OTC: variants seen among roughly 807,000 people sequenced by gnomAD.
OTC encodes the protein ornithine transcarbamylase, mitochondrial.
In OTC, 3 loss-of-function variants were observed where a neutral mutation model predicts 30.3. The ratio of observed to expected loss-of-function variants is 0.10; its 90% CI spans 0.05 to 0.26. The LOEUF is 0.26. Among genes scored for constraint, OTC ranks in the 10% least tolerant of loss-of-function variants. OTC has a pLI of 1.00. For missense variants in OTC, 194 were observed against 260.3 expected (o/e 0.75, Z 1.75); for synonymous variants, 111 against 99.7 (o/e 1.11, Z -0.67).
intron 8 of OTC, among the ~76,000 whole-genome samples, chrX:38,411,523 G>A (rs901761591): frequency 9.1e-6 from 1 of 110,370 alleles, no homozygotes; most frequent in Non-Finnish European, 1.9e-5. Flanking sequence ...AAAATTCACT[G>A]GGCATGGTGG....
At chrX:38,415,951 G>A (rs1197509557) in intron 9 of OTC, among the ~76,000 whole-genome samples, 2 of 112,370 alleles carry the variant, frequency 1.8e-5, no homozygotes, top group Non-Finnish European at 3.8e-5. Flanking sequence ...ACATGTGGCT[G>A]GTGGCTACAC....
In OTC at chrX:38,403,674, T is replaced by C; in HGVS notation, c.597T>C (p.Asn199=). The C allele has an allele frequency of 4.1e-6, 5 of 1,207,486 alleles. No individual in the cohort carries two copies. The highest frequency in any genetic ancestry group is 5.6e-6 in the Non-Finnish European group (5 of 891,525). The change falls in exon 6 of 10, where the codon AAT becomes AAC. Residue 199 remains asparagine, a synonymous_variant. Coordinates refer to ENST00000039007, the MANE Select transcript of OTC (RefSeq NM_000531.6). ...LTLSWIGDGN[N]ILHSIMMSAA... ...TCAGCTGGATCGGGGATGGGAACAA[T>C]ATCCTGCACTCCATCATGATGAGCG...
chrX:38,354,203 C>T (rs890870506), intron 1 of OTC, among the ~76,000 whole-genome samples: 35 of 111,971 alleles, frequency 3.1e-4, no homozygotes, highest in African/African-American at 1.0e-3. Flanking sequence ...TGGTAAATAA[C>T]GTAAAAATAT....
At chrX:38,375,547 A>C (rs1326913184) in intron 3 of OTC, among the ~76,000 whole-genome samples, 2 of 111,165 alleles carry the variant, frequency 1.8e-5, no homozygotes, top group Non-Finnish European at 3.8e-5. Context: ...TTGAAGAGAG[A>C]GACAACAAGA....
At chrX:38,388,153 G>A (rs1602023629) in intron 4 of OTC, among the ~76,000 whole-genome samples, 1 of 111,713 alleles carries the variant, frequency 9.0e-6, no homozygotes, top group African/African-American at 3.3e-5. Flanking sequence ...ACTGTAACTG[G>A]TAAGGGAGTG....
chrX:38,412,180 A>G (rs996512791), intron 9 of OTC, among the ~76,000 whole-genome samples, 181 bp downstream of exon 9: 1 of 112,162 alleles, frequency 8.9e-6, no homozygotes, highest in Non-Finnish European at 1.9e-5. Context: ...TTTATAGTGT[A>G]TTTGCATGGA....
chrX:38,352,637 G>A lies in OTC; in HGVS notation c.-60G>A, dbSNP rs1275390874. Reference sequence around the variant, plus strand: ...TCTTAGTTTTTAGGTGGCCCCCGCTGGCTAACTTGCTGTGGAGTTTTCAAG... The same window carrying A: ...TCTTAGTTTTTAGGTGGCCCCCGCTAGCTAACTTGCTGTGGAGTTTTCAAG... On this transcript the variant is annotated 5_prime_UTR_variant, in exon 1 of 10. Coordinates refer to ENST00000039007, the MANE Select transcript of OTC (RefSeq NM_000531.6). 1.1e-6 allele frequency: 1 copy of A among 928,034 alleles called. No individual in the cohort carries two copies. Among genetic ancestry groups the A allele is most frequent in the African/African-American group, 1.9e-5 (1 of 51,701 alleles). 76.5% of individuals were successfully genotyped at this position (928,034 alleles called of 1,213,427 possible).
intron 1 of OTC, among the ~76,000 whole-genome samples, chrX:38,359,515 G>A (rs1444356346): frequency 2.7e-5 from 3 of 109,741 alleles, no homozygotes; most frequent in African/African-American, 1.0e-4. Context: ...TGCCTCCCAG[G>A]TTCAAGTGAT....
chrX:38,352,468 C>T (rs951066336), upstream of OTC: 1 of 385,134 alleles, frequency 2.6e-6, no homozygotes, highest in East Asian at 4.5e-5. Flanking sequence ...AGGATTTCTT[C>T]CAAAAAAAAT....
the OTC span, among the ~76,000 whole-genome samples, chrX:38,332,595 CA>C: frequency 3.1e-5 from 3 of 97,869 alleles, no homozygotes; most frequent in Non-Finnish European, 6.1e-5. Flanking sequence ...GTAATGCATG[CA>C]AAACTTATAG....
At chrX:38,369,514 A>ATT (rs11313102) in intron 2 of OTC, among the ~76,000 whole-genome samples, 1,238 of 92,192 alleles carry the variant, frequency 0.013, 20 homozygotes, top group African/African-American at 0.037. Context: ...CTCCAGGCTA[A>ATT]TTTTTTTTTT....
At chrX:38,332,501 ATT>A in the OTC span, among the ~76,000 whole-genome samples, 1 of 16,114 alleles carries the variant, frequency 6.2e-5, no homozygotes, top group African/African-American at 3.2e-4. Context: ...GTAGCCCTAG[ATT>A]TTATATATAT....
At chrX:38,408,031 T>A (rs1359215228) in intron 6 of OTC, among the ~76,000 whole-genome samples, 1 of 112,233 alleles carries the variant, frequency 8.9e-6, no homozygotes, top group Non-Finnish European at 1.9e-5. Flanking sequence ...AGAATGTGTG[T>A]TTCTTTACAT....
At chrX:38,388,484 C>T (rs1483113643) in intron 4 of OTC, among the ~76,000 whole-genome samples, 1 of 100,170 alleles carries the variant, frequency 1.0e-5, no homozygotes, top group Non-Finnish European at 2.1e-5. Context: ...TTAGATGTGA[C>T]ACCAGAAGTG....
chrX:38,354,518 C>T (rs758048514), intron 1 of OTC, among the ~76,000 whole-genome samples: 1 of 110,011 alleles, frequency 9.1e-6, no homozygotes. Flanking sequence ...GCAAGTAAAA[C>T]CTCCTCCAAA....
At chrX:38,392,437 T>C (rs2068433402) in intron 4 of OTC, among the ~76,000 whole-genome samples, 2 of 112,090 alleles carry the variant, frequency 1.8e-5, no homozygotes, top group South Asian at 7.4e-4. Context: ...GGTTTTAGAT[T>C]GATGGAGAGC....
intron 4 of OTC, among the ~76,000 whole-genome samples, chrX:38,393,543 A>T (rs1430721291): frequency 8.9e-6 from 1 of 112,057 alleles, no homozygotes; most frequent in Non-Finnish European, 1.9e-5. Context: ...GACTGGAAAG[A>T]ACAAACATAT....
the OTC span, among the ~76,000 whole-genome samples, chrX:38,334,769 G>T: frequency 1.8e-5 from 2 of 111,700 alleles, no homozygotes; most frequent in Non-Finnish European, 3.8e-5. Context: ...TAGGGCAGGG[G>T]TCCCCAACCC....
rs1036076773 is a variant in OTC, at chrX:38,421,187, C to T, written c.*105C>T. ...CTAAAAAATAAACAAATCCCTAACA[C>T]GTGGTATGGGTGAACCGTATGATAT... On this transcript the variant is annotated 3_prime_UTR_variant, in exon 10 of 10. Coordinates refer to ENST00000039007, the MANE Select transcript of OTC (RefSeq NM_000531.6). The T allele has an allele frequency of 1.7e-4, 100 of 575,259 alleles. 1 individual carries two copies. Among genetic ancestry groups the T allele is most frequent in the Middle Eastern group, 9.5e-4 (3 of 3,152 alleles). 47.4% of individuals were successfully genotyped at this position (575,259 alleles called of 1,213,427 possible). A position where few individuals can be genotyped will look rare whatever the true frequency, so the allele number is the denominator to read the frequency against.
Sources: gnomAD v4.1 joint callset for allele counts (sites outside exome capture counted in the v4.1 genomes callset) on GRCh38, gnomAD v4.1.1 for gene constraint, MANE v1.5 for transcripts, NCBI Gene and HGNC (gene_info 2026-07-23, HGNC 2026-07-21) for gene names.